Variants in STX18 observed in about 807,000 individuals in gnomAD.
STX18 encodes syntaxin-18.
A neutral mutation model predicts 50.1 loss-of-function variants in STX18; 40 were observed. The observed-to-expected ratio is 0.80, with a 90% CI of 0.62 to 1.04. STX18 has a LOEUF of 1.04. Among genes scored for constraint, STX18 ranks in the 50% least tolerant of loss-of-function variants. STX18 has a pLI of 0.00. For missense variants in STX18, 410 were observed against 415.8 expected (o/e 0.99, Z 0.12); for synonymous variants, 158 against 151.8 (o/e 1.04, Z -0.30).
At chr4:4,449,024 TCTCC>T (rs1726592211) in intron 5 of STX18, among the ~76,000 whole-genome samples, 2 of 151,098 alleles carry the variant, frequency 1.3e-5, no homozygotes, top group South Asian at 4.2e-4. Context: ...TACTTCCATT[TCTCC>T]CTTGGACCCC....
rs576692910 is a variant in STX18, at chr4:4,425,421, C to T, written c.703-199G>A. On this transcript the variant is annotated intron_variant, in intron 7 of 10. Transcript: ENST00000306200. Reference sequence around the variant, plus strand: ...TTCAGGAGAAAGTTTTAAAAAACAGCTGTGCTGCCTGGTAATTGACTTCTC... The same window carrying T: ...TTCAGGAGAAAGTTTTAAAAAACAGTTGTGCTGCCTGGTAATTGACTTCTC... The T allele has an allele frequency of 8.1e-5, 49 of 608,180 alleles. No individual in the cohort carries two copies. In the African/African-American group the frequency reaches 8.3e-4, roughly 10 times the overall value. The allele number at this position is 608,180 out of a possible 1,614,324, so 37.7% of individuals were successfully genotyped here. A position where few individuals can be genotyped will look rare whatever the true frequency, so the allele number is the denominator to read the frequency against.
chr4:4,524,228 A>C (rs1005798941), intron 1 of STX18, among the ~76,000 whole-genome samples: 4 of 152,192 alleles, frequency 2.6e-5, no homozygotes, highest in Admixed American at 6.5e-5. Flanking sequence ...ATAATGCCTA[A>C]AGCAGAGTGA....
intron 1 of STX18, among the ~76,000 whole-genome samples, chr4:4,508,704 C>G (rs1729854518): frequency 6.6e-6 from 1 of 152,180 alleles, no homozygotes; most frequent in African/African-American, 2.4e-5. Context: ...GATGCTCTCC[C>G]TCTCCCTAGT....
intron 5 of STX18, chr4:4,453,799 A>G (rs1577336647): frequency 3.1e-6 from 1 of 324,750 alleles, no homozygotes; most frequent in Non-Finnish European, 4.4e-6. Context: ...GATGCTTCAC[A>G]CTACCTCAAT....
At chr4:4,442,221 G>A (rs925774493) in intron 5 of STX18, among the ~76,000 whole-genome samples, 4 of 152,028 alleles carry the variant, frequency 2.6e-5, no homozygotes, top group Admixed American at 2.6e-4. Context: ...ATAATCGGTA[G>A]TTATATGAAA....
intron 7 of STX18, among the ~76,000 whole-genome samples, chr4:4,431,611 C>T (rs1322579090): frequency 1.3e-5 from 2 of 152,088 alleles, no homozygotes; most frequent in African/African-American, 4.8e-5. Flanking sequence ...TTCTCTAGCC[C>T]GAGCCCTGGA....
chr4:4,465,245 G>A (rs916394233), intron 2 of STX18, among the ~76,000 whole-genome samples: 1 of 152,068 alleles, frequency 6.6e-6, no homozygotes, highest in Non-Finnish European at 1.5e-5. Context: ...CCATTACTGG[G>A]TATCTACCCA....
intron 1 of STX18, among the ~76,000 whole-genome samples, chr4:4,496,835 A>T (rs1304317258): frequency 1.3e-5 from 2 of 152,198 alleles, no homozygotes; most frequent in Non-Finnish European, 2.9e-5. Flanking sequence ...AGCACTTAGG[A>T]TGCAAAAAAG....
chr4:4,535,821 G>C (rs947942665), intron 1 of STX18, among the ~76,000 whole-genome samples: 1 of 152,148 alleles, frequency 6.6e-6, no homozygotes, highest in Non-Finnish European at 1.5e-5. Context: ...CCTGTTGCAT[G>C]ATACTGCTTC....
intron 1 of STX18, among the ~76,000 whole-genome samples, chr4:4,527,495 A>T (rs914890669): frequency 6.6e-6 from 1 of 152,118 alleles, no homozygotes; most frequent in Non-Finnish European, 1.5e-5. Context: ...TTTTAATATT[A>T]GGTATGTAAA....
chr4:4,450,932 G>A (rs1480258916), intron 5 of STX18, among the ~76,000 whole-genome samples: 1 of 152,186 alleles, frequency 6.6e-6, no homozygotes, highest in Non-Finnish European at 1.5e-5. Context: ...CAATTTAAAA[G>A]GAATTAAAGA....
chr4:4,500,930 G>C (rs1018377936), intron 1 of STX18, among the ~76,000 whole-genome samples: 1 of 152,048 alleles, frequency 6.6e-6, no homozygotes, highest in Non-Finnish European at 1.5e-5. Flanking sequence ...TCAGCTACTC[G>C]GGAGGCTGAA....
chr4:4,505,811 G>A (rs533908506), intron 1 of STX18, among the ~76,000 whole-genome samples: 2 of 151,942 alleles, frequency 1.3e-5, no homozygotes, highest in African/African-American at 4.8e-5. Context: ...ACGAAAAATC[G>A]AAGTATGGTT....
chr4:4,504,321 G>A (rs1729594107), intron 1 of STX18, among the ~76,000 whole-genome samples: 1 of 152,082 alleles, frequency 6.6e-6, no homozygotes, highest in African/African-American at 2.4e-5. Context: ...TACTTCTTAT[G>A]TATTTATTAT....
chr4:4,467,418 CAT>C (rs1324688404), intron 2 of STX18, among the ~76,000 whole-genome samples: 1 of 152,168 alleles, frequency 6.6e-6, no homozygotes, highest in African/African-American at 2.4e-5. Flanking sequence ...CGTTCGCTGT[CAT>C]AACTTTCTCA....
intron 1 of STX18, among the ~76,000 whole-genome samples, chr4:4,533,004 G>GT (rs1476863852): frequency 4.6e-5 from 7 of 152,062 alleles, no homozygotes; most frequent in Non-Finnish European, 1.5e-5. Context: ...ACAGACATAT[G>GT]TTAGATGGTG....
chr4:4,422,102 C>T (rs1308279380), intron 9 of STX18, among the ~76,000 whole-genome samples: 1 of 152,084 alleles, frequency 6.6e-6, no homozygotes, highest in African/African-American at 2.4e-5. Context: ...CCTCTGATTC[C>T]CAGCAATGAA....
At chr4:4,425,269 G>GC (rs760578958) in intron 7 of STX18, 47 bp from the exon 8 acceptor site, 6 of 1,548,816 alleles carry the variant, frequency 3.9e-6, no homozygotes, top group Non-Finnish European at 5.4e-6. Context: ...CTGAACTTAG[G>GC]CAAGAGTCTA....
In STX18 at chr4:4,521,418, A is replaced by G. The variant is rs538455650; in HGVS notation, c.168+20379T>C. Among the ~76,000 whole-genome samples, 7 of 152,348 alleles carry G rather than the reference A, an allele frequency of 4.6e-5. No homozygotes were observed. In the South Asian group the frequency reaches 1.2e-3, roughly 27 times the overall value. On this transcript the variant is annotated intron_variant, in intron 1 of 10. Coordinates refer to ENST00000306200, the MANE Select transcript of STX18 (RefSeq NM_016930.4). The stretch of plus-strand genomic sequence containing the variant: ...ATCTGCAAGGGTAGAATTCCACCCA[A>G]TGATCCTAAAATTATTTCAAGGAAT...
Sources: gnomAD v4.1 joint callset for allele counts (sites outside exome capture counted in the v4.1 genomes callset) on GRCh38, gnomAD v4.1.1 for gene constraint, MANE v1.5 for transcripts, NCBI Gene and HGNC (gene_info 2026-07-23, HGNC 2026-07-21) for gene names.